The following ZNF469 variants were observed in gnomAD, a reference collection of about 807,000 sequenced individuals.
ZNF469 encodes the protein zinc finger protein 469.
In ZNF469, 1 loss-of-function variant was observed where a neutral mutation model predicts 1.0. The ratio of observed to expected loss-of-function variants is 1.00; its 90% CI spans 0.35 to 4.73. ZNF469 has a LOEUF of 4.73. Among genes scored for constraint, ZNF469 ranks in the 30% most tolerant of loss-of-function variants. The pLI is 0.16. For missense variants in ZNF469, 6,100 were observed against 5,356.3 expected (o/e 1.14, Z -4.33); for synonymous variants, 2,703 against 2,363.4 (o/e 1.14, Z -4.17).
the ZNF469 span, among the ~76,000 whole-genome samples, chr16:88,308,319 C>T: frequency 6.6e-6 from 1 of 152,188 alleles, no homozygotes; most frequent in Non-Finnish European, 1.5e-5. Flanking sequence ...GAGTCCCTTA[C>T]ATTTCCATAT....
chr16:88,432,067 A>G lies in ZNF469; in HGVS notation c.4597A>G (p.Thr1533Ala). ...CAGTAAGACGTGTCCCCCTGAACGG[A>G]CAGTGGTTCCCGGCGCCGCCCCATC... is the stretch of plus-strand genomic sequence containing the variant. ...VLSKTCPPER[T>A]VVPGAAPSLP... Residue 1533 changes from threonine (T) to alanine (A), a missense_variant, in exon 3 of 3, where the codon ACA becomes GCA. Coordinates refer to ENST00000565624, the MANE Select transcript of ZNF469 (RefSeq NM_001367624.2). The G allele has an allele frequency of 6.4e-7, 1 of 1,550,476 alleles. No homozygotes were observed. Among genetic ancestry groups the G allele is most frequent in the Non-Finnish European group, 8.7e-7 (1 of 1,146,966 alleles).
chr16:88,107,008 G>A, the ZNF469 span, among the ~76,000 whole-genome samples: 1 of 152,364 alleles, frequency 6.6e-6, no homozygotes, highest in African/African-American at 2.4e-5. Flanking sequence ...TAATATCCAA[G>A]TAACAGCAGC....
At chr16:88,168,009 C>T in the ZNF469 span, among the ~76,000 whole-genome samples, 4 of 152,382 alleles carry the variant, frequency 2.6e-5, no homozygotes, top group Non-Finnish European at 5.9e-5. This position sits in a 1 kb window ranked among gnomAD's most constrained non-coding sequence, Gnocchi z 4.3. Context: ...GCGGGTCCCC[C>T]TCCACCCGCT....
the ZNF469 span, among the ~76,000 whole-genome samples, chr16:88,285,623 C>T: frequency 3.7e-4 from 57 of 152,390 alleles, no homozygotes; most frequent in Non-Finnish European, 6.8e-4. Flanking sequence ...TGTGGTCTGT[C>T]CATGTAATGT....
chr16:88,111,564 ACT>A, the ZNF469 span, among the ~76,000 whole-genome samples: 2 of 151,298 alleles, frequency 1.3e-5, no homozygotes, highest in African/African-American at 2.4e-5. Context: ...CCCTCCTTCC[ACT>A]CTCTATATCC....
chr16:88,273,480 C>A, the ZNF469 span, among the ~76,000 whole-genome samples: 1 of 152,070 alleles, frequency 6.6e-6, no homozygotes, highest in African/African-American at 2.4e-5. Context: ...TACCATAAAA[C>A]ACAAAGCTAA....
chr16:88,229,311 G>C, the ZNF469 span, among the ~76,000 whole-genome samples: 1 of 152,240 alleles, frequency 6.6e-6, no homozygotes, highest in East Asian at 1.9e-4. Flanking sequence ...CCGTCAGGCG[G>C]CAGGAACCTG....
At chr16:88,393,184 T>A (rs963940497) in intron 1 of ZNF469, among the ~76,000 whole-genome samples, 5 of 152,280 alleles carry the variant, frequency 3.3e-5, no homozygotes, top group African/African-American at 4.8e-5. Flanking sequence ...TGTGCATTCC[T>A]GCCTCGCCCG....
the ZNF469 span, among the ~76,000 whole-genome samples, chr16:88,371,916 G>C: frequency 6.8e-5 from 6 of 88,824 alleles, no homozygotes; most frequent in South Asian, 3.7e-4. Context: ...CCATCACCAT[G>C]ATTACCACCA....
At chr16:88,273,434 C>A in the ZNF469 span, among the ~76,000 whole-genome samples, 5 of 151,780 alleles carry the variant, frequency 3.3e-5, no homozygotes, top group Non-Finnish European at 7.4e-5. Context: ...AAATCAAAAC[C>A]ACACTGACAT....
At chr16:88,423,468 G>C (rs1294017151) in intron 1 of ZNF469, among the ~76,000 whole-genome samples, 1 of 152,132 alleles carries the variant, frequency 6.6e-6, no homozygotes, top group Non-Finnish European at 1.5e-5. Context: ...AGGGCCTCTG[G>C]GTTCTCTACA....
At chr16:88,148,807 C>T in the ZNF469 span, among the ~76,000 whole-genome samples, 2 of 152,254 alleles carry the variant, frequency 1.3e-5, no homozygotes, top group African/African-American at 2.4e-5. Flanking sequence ...CTCACTGGGC[C>T]GTTGGCCTGA....
chr16:88,370,062 C>G, the ZNF469 span, among the ~76,000 whole-genome samples: 1 of 152,214 alleles, frequency 6.6e-6, no homozygotes, highest in African/African-American at 2.4e-5. Context: ...CAAAGTTGCC[C>G]TTGATCCTGT....
At chr16:88,363,478 C>A in the ZNF469 span, among the ~76,000 whole-genome samples, 1 of 152,216 alleles carries the variant, frequency 6.6e-6, no homozygotes, top group Non-Finnish European at 1.5e-5. Context: ...TTAGCCCCAG[C>A]CAGACTGCCT....
At chr16:88,247,940 G>A in the ZNF469 span, among the ~76,000 whole-genome samples, 5 of 152,336 alleles carry the variant, frequency 3.3e-5, no homozygotes, top group East Asian at 1.9e-4. Context: ...GCTGACCCTC[G>A]GAACGTATAA....
the ZNF469 span, among the ~76,000 whole-genome samples, chr16:88,374,393 G>A: frequency 6.6e-6 from 1 of 152,218 alleles, no homozygotes; most frequent in South Asian, 2.1e-4. Context: ...GTGAGGTGCG[G>A]GAGACTAGGG....
At position 88,424,978 on chromosome 16, in the gene ZNF469, G is replaced by A. The variant is rs1905637470; in HGVS notation, c.-127+107G>A. Among the ~76,000 whole-genome samples the A allele has an allele frequency of 6.6e-6, 1 of 151,986 alleles. No individual in the cohort carries two copies. The highest frequency in any genetic ancestry group is 2.1e-4 in the South Asian group (1 of 4,808). ...CCGCCCGGCCTTCCTCTCCCTCTCA[G>A]GACAGTAACCGGGCCTGCCTACTGC... On this transcript the variant is annotated intron_variant, in intron 2 of 2. Transcript: ENST00000565624. The surrounding 1 kb of genome is among the most constrained non-coding windows in gnomAD (Gnocchi z 4.3).
the ZNF469 span, among the ~76,000 whole-genome samples, chr16:88,245,886 G>A: frequency 3.3e-5 from 5 of 152,406 alleles, no homozygotes; most frequent in African/African-American, 9.6e-5. Flanking sequence ...AAAGGCAGCC[G>A]AACAGACCAC....
At chr16:88,416,912 G>A (rs539632659) in intron 1 of ZNF469, among the ~76,000 whole-genome samples, 7 of 152,270 alleles carry the variant, frequency 4.6e-5, no homozygotes, top group South Asian at 4.1e-4. Flanking sequence ...TGCGGTCGGC[G>A]TCTACCCCAG....
Sources: allele counts gnomAD v4.1 joint callset (sites outside exome capture counted in the v4.1 genomes callset), GRCh38; gene constraint gnomAD v4.1.1; non-coding constraint Gnocchi (gnomAD v3.1); transcripts MANE v1.5; gene names NCBI Gene and HGNC (gene_info 2026-07-23, HGNC 2026-07-21).